Variants in WWTR1 observed in about 807,000 individuals in gnomAD.
WWTR1 encodes WW domain containing transcription regulator 1.
Under a neutral mutation model 40.1 loss-of-function variants are expected in WWTR1, and 13 were observed. The observed-to-expected ratio is 0.32, with a 90% CI of 0.21 to 0.52. WWTR1 has a LOEUF of 0.52. Among genes scored for constraint, WWTR1 ranks in the 20% least tolerant of loss-of-function variants. The probability of loss-of-function intolerance (pLI) is 0.97; values close to 1 mark genes in which losing one functional copy is unlikely to be tolerated. For synonymous variants in WWTR1, 230 were observed against 210.1 expected, an observed-to-expected ratio of 1.09 and a Z score of -0.82; for missense variants, 436 against 523.1, an observed-to-expected ratio of 0.83 and a Z score of 1.63.
intron 3 of WWTR1, among the ~76,000 whole-genome samples, chr3:149,547,197 C>T (rs990051450): frequency 1.4e-5 from 2 of 140,064 alleles, no homozygotes; most frequent in Non-Finnish European, 3.1e-5. Flanking sequence ...TATTCCAGAA[C>T]ATTTTAGGGA....
intron 2 of WWTR1, among the ~76,000 whole-genome samples, chr3:149,638,456 T>A (rs1269232727): frequency 6.6e-6 from 1 of 151,866 alleles, no homozygotes; most frequent in Non-Finnish European, 1.5e-5. Context: ...TTTTAAAGAG[T>A]TCATTTAAAG....
upstream of WWTR1, among the ~76,000 whole-genome samples, chr3:149,706,027 C>CA (rs571229557): frequency 2.8e-4 from 42 of 152,054 alleles, no homozygotes; most frequent in African/African-American, 9.9e-4. Flanking sequence ...TCCGTCTCTA[C>CA]AAAAAATACA....
At chr3:149,638,524 T>C (rs1488819501) in intron 2 of WWTR1, among the ~76,000 whole-genome samples, 1 of 152,194 alleles carries the variant, frequency 6.6e-6, no homozygotes, top group East Asian at 1.9e-4. Context: ...TTTGGACTTT[T>C]AACCAAATGT....
intron 2 of WWTR1, among the ~76,000 whole-genome samples, chr3:149,585,196 G>A (rs910002544): frequency 1.3e-4 from 20 of 149,922 alleles, no homozygotes; most frequent in Non-Finnish European, 2.1e-4. Flanking sequence ...ACTGGAGAAC[G>A]ATCTCTGCTC....
intron 2 of WWTR1, among the ~76,000 whole-genome samples, chr3:149,589,784 A>G (rs554570489): frequency 8.2e-6 from 1 of 121,616 alleles, no homozygotes; most frequent in South Asian, 3.0e-4. Context: ...AGAATAAGTG[A>G]CTGAATTAAA....
At chr3:149,634,145 C>G (rs1471402075) in intron 2 of WWTR1, among the ~76,000 whole-genome samples, 1 of 152,116 alleles carries the variant, frequency 6.6e-6, no homozygotes, top group Admixed American at 6.5e-5. Flanking sequence ...CATGTCAAGA[C>G]CGGTGAGAGG....
At chr3:149,618,374 C>T (rs1218602293) in intron 2 of WWTR1, among the ~76,000 whole-genome samples, 1 of 152,170 alleles carries the variant, frequency 6.6e-6, no homozygotes, top group Non-Finnish European at 1.5e-5. Context: ...AGGAGAACAA[C>T]ATCTCTCGAG....
At chr3:149,574,156 G>A (rs1032598416) in intron 2 of WWTR1, among the ~76,000 whole-genome samples, 4 of 151,756 alleles carry the variant, frequency 2.6e-5, no homozygotes, top group Non-Finnish European at 5.9e-5. Context: ...TTGGCCTACT[G>A]AGTACCTGGG....
At chr3:149,563,181 A>G (rs1377708199) in intron 3 of WWTR1, among the ~76,000 whole-genome samples, 1 of 152,188 alleles carries the variant, frequency 6.6e-6, no homozygotes, top group East Asian at 1.9e-4. Context: ...AGACTCCATT[A>G]CAAATTAATT....
At chr3:149,568,754 T>G (rs1172508442) in intron 3 of WWTR1, among the ~76,000 whole-genome samples, 2 of 152,154 alleles carry the variant, frequency 1.3e-5, no homozygotes, top group Non-Finnish European at 2.9e-5. Flanking sequence ...GGAATACATC[T>G]AAAGCTCTTT....
At chr3:149,679,378 T>C (rs1714380418) in intron 1 of WWTR1, among the ~76,000 whole-genome samples, 1 of 152,214 alleles carries the variant, frequency 6.6e-6, no homozygotes, top group South Asian at 2.1e-4. Flanking sequence ...GAGCATGATA[T>C]AACAATATGG....
At chr3:149,685,216 G>T (rs1248110878) in intron 1 of WWTR1, among the ~76,000 whole-genome samples, 1 of 152,192 alleles carries the variant, frequency 6.6e-6, no homozygotes, top group Non-Finnish European at 1.5e-5. Flanking sequence ...ATCGAAGATG[G>T]ACTATTTAGA....
At chr3:149,559,293 CAA>C (rs57470539) in intron 3 of WWTR1, among the ~76,000 whole-genome samples, 39 of 58,108 alleles carry the variant, frequency 6.7e-4, no homozygotes, top group South Asian at 1.8e-3. Context: ...GACTCCATCT[CAA>C]AAAAAAAAAA....
intron 1 of WWTR1, among the ~76,000 whole-genome samples, chr3:149,688,752 G>A (rs1714728833): frequency 6.6e-6 from 1 of 152,066 alleles, no homozygotes; most frequent in Admixed American, 6.6e-5. Flanking sequence ...ATATTCACAA[G>A]CATCAAGACC....
At chr3:149,572,384 G>C (rs778756799) in intron 3 of WWTR1, among the ~76,000 whole-genome samples, 1 of 152,162 alleles carries the variant, frequency 6.6e-6, no homozygotes, top group Non-Finnish European at 1.5e-5. Flanking sequence ...CACCCAAAGC[G>C]TGTATGTGTC....
At chr3:149,631,766 A>G (rs1235609561) in intron 2 of WWTR1, among the ~76,000 whole-genome samples, 1 of 152,228 alleles carries the variant, frequency 6.6e-6, no homozygotes, top group Non-Finnish European at 1.5e-5. Flanking sequence ...AAGAGAGGCC[A>G]TTAACACACA....
intron 2 of WWTR1, among the ~76,000 whole-genome samples, chr3:149,586,994 C>G (rs1283174388): frequency 6.6e-6 from 1 of 152,208 alleles, no homozygotes; most frequent in Admixed American, 6.5e-5. Flanking sequence ...TCCCTTGTAA[C>G]ATTCTTTCTA....
chr3:149,562,105 G>A (rs1255615580), intron 3 of WWTR1, among the ~76,000 whole-genome samples: 1 of 152,014 alleles, frequency 6.6e-6, no homozygotes, highest in Non-Finnish European at 1.5e-5. Context: ...GACCGGCCTC[G>A]CCAACATGGT....
chr3:149,540,079 T>TACACACACCCACACACACACAC (rs1736017374), intron 4 of WWTR1: 1 of 262,670 alleles, frequency 3.8e-6, no homozygotes, highest in Non-Finnish European at 7.8e-6. Flanking sequence ...TCCTCCTAAC[T>TACACACACCCACACACACACAC]ACACACACAC....
Sources: allele counts gnomAD v4.1 joint callset (sites outside exome capture counted in the v4.1 genomes callset), GRCh38; gene constraint gnomAD v4.1.1; transcripts MANE v1.5; gene names NCBI Gene and HGNC (gene_info 2026-07-23, HGNC 2026-07-21).